The following PRPF18 variants were observed in gnomAD, a reference collection of about 807,000 sequenced individuals.
PRPF18 encodes the protein pre-mRNA processing factor 18, also known as pre-mRNA-splicing factor 18.
In PRPF18, 38 loss-of-function variants were observed where a neutral mutation model predicts 46.5. The observed-to-expected ratio is 0.82, with a 90% CI of 0.63 to 1.07. The LOEUF is 1.07. PRPF18 is among the 50% of genes least tolerant of loss of function. The pLI, the probability that PRPF18 is intolerant of heterozygous loss-of-function variation, is 0.00. For synonymous variants in PRPF18, 152 were observed against 146.7 expected, an observed-to-expected ratio of 1.04 and a Z score of -0.26; for missense variants, 263 against 410.0, an observed-to-expected ratio of 0.64 and a Z score of 3.10.
In PRPF18 at chr10:13,625,721, C is replaced by T. The variant is rs186383793; in HGVS notation, c.949-4539C>T. On this transcript the variant is annotated intron_variant, in intron 9 of 9. Coordinates refer to ENST00000378572, the MANE Select transcript of PRPF18 (RefSeq NM_003675.4). ...GCTAAAGAGAAGATTTCAAAGACTT[C>T]AGAGAAAAGGTCGCTTACAAAGGTG... 3.8e-3 allele frequency among the ~76,000 whole-genome samples: 575 copies of T among 152,296 alleles called. 2 individuals are homozygous for T. Among genetic ancestry groups the T allele is most frequent in the African/African-American group, 0.013 (558 of 41,548 alleles).
intron 9 of PRPF18, among the ~76,000 whole-genome samples, chr10:13,619,292 T>C (rs2080391083): frequency 6.6e-6 from 1 of 152,246 alleles, no homozygotes; most frequent in Non-Finnish European, 1.5e-5. Context: ...TTTTATACAA[T>C]TGGACAGATT....
At chr10:13,623,881 T>A (rs2080457508) in intron 9 of PRPF18, among the ~76,000 whole-genome samples, 1 of 152,244 alleles carries the variant, frequency 6.6e-6, no homozygotes, top group African/African-American at 2.4e-5. Context: ...GTATATCATA[T>A]CTGGAACATT....
intron 1 of PRPF18, chr10:13,591,719 C>A: frequency 1.1e-6 from 1 of 925,596 alleles, no homozygotes. Flanking sequence ...TCGCTGATAA[C>A]AATTTTGGTT....
At chr10:13,654,711 A>G in the PRPF18 span, 1 of 573,344 alleles carries the variant, frequency 1.7e-6, no homozygotes, top group Non-Finnish European at 3.1e-6. Flanking sequence ...TGCCCCCCCA[A>G]CCTCTGCATC....
chr10:13,618,580 T>G (rs2080377920), intron 9 of PRPF18, among the ~76,000 whole-genome samples: 1 of 136,196 alleles, frequency 7.3e-6, no homozygotes, highest in Non-Finnish European at 1.5e-5. Flanking sequence ...GATTTGTGAT[T>G]GCATCACTGC....
At chr10:13,630,893 A>G (rs1255190040), downstream of PRPF18, 1 of 152,206 alleles carries the variant, frequency 6.6e-6, no homozygotes, top group African/African-American at 2.4e-5. Context: ...TTTTTCTTGC[A>G]TTTCAAAGCT....
rs755279139 is a variant in PRPF18 at position 13,597,612 on chromosome 10, T to C, written c.144+77T>C. ...TACAGCTGTTGTTAAATGACAATCA[T>C]TGATCTCTGTTCAATTTATCAATAT... On this transcript the variant is annotated intron_variant, in intron 2 of 9. Transcript: ENST00000378572. The C allele has an allele frequency of 8.7e-6, 14 of 1,603,004 alleles. No individual in the cohort carries two copies. In the South Asian group the frequency reaches 1.2e-4, roughly 14 times the overall value.
At chr10:13,627,878 A>G (rs1230976594) in intron 9 of PRPF18, among the ~76,000 whole-genome samples, 2 of 152,102 alleles carry the variant, frequency 1.3e-5, no homozygotes. Flanking sequence ...GCGCATAACA[A>G]TTCTTGCCAT....
At chr10:13,601,001 A>G (rs1237397180) in intron 3 of PRPF18, among the ~76,000 whole-genome samples, 4 of 152,018 alleles carry the variant, frequency 2.6e-5, no homozygotes, top group Non-Finnish European at 5.9e-5. Flanking sequence ...GGCTGGTCTC[A>G]AACTCCTGAC....
At chr10:13,624,983 C>G (rs976619491) in intron 9 of PRPF18, among the ~76,000 whole-genome samples, 1 of 152,120 alleles carries the variant, frequency 6.6e-6, no homozygotes, top group Admixed American at 6.5e-5. Context: ...GAAAAAAAGA[C>G]CTTCATAGAA....
At chr10:13,648,981 T>C in the PRPF18 span, among the ~76,000 whole-genome samples, 2 of 151,248 alleles carry the variant, frequency 1.3e-5, no homozygotes, top group Non-Finnish European at 2.9e-5. Flanking sequence ...AGGCCTGAAA[T>C]GTAAATGTAT....
At chr10:13,650,918 G>A in the PRPF18 span, 1 of 151,082 alleles carries the variant, frequency 6.6e-6, no homozygotes, top group Non-Finnish European at 1.5e-5. Context: ...CCTCATTTCT[G>A]AATCCTCTCA....
At chr10:13,602,326 G>A (rs1435330775) in intron 3 of PRPF18, among the ~76,000 whole-genome samples, 1 of 152,056 alleles carries the variant, frequency 6.6e-6, no homozygotes, top group African/African-American at 2.4e-5. Flanking sequence ...TTTTTATATT[G>A]TGAAATTTGT....
chr10:13,652,785 C>CTTATCAGAAT, the PRPF18 span: 1 of 152,158 alleles, frequency 6.6e-6, no homozygotes, highest in East Asian at 1.9e-4. Flanking sequence ...ACCTGGAGGG[C>CTTATCAGAAT]TTATCAGAAT....
At chr10:13,639,216 G>A in the PRPF18 span, 16 of 152,294 alleles carry the variant, frequency 1.1e-4, 1 homozygote, top group Admixed American at 9.1e-4. Context: ...GGACAACCAG[G>A]TACTGGAGCA....
chr10:13,600,121 G>T, intron 2 of PRPF18, 123 bp from the exon 3 acceptor site: 1 of 737,498 alleles, frequency 1.4e-6, no homozygotes, highest in South Asian at 2.1e-5. Flanking sequence ...TCTTTGCTCA[G>T]AGGAATATTA....
intron 4 of PRPF18, 76 bp from the exon 5 acceptor site, chr10:13,609,963 A>C (rs1267701216): frequency 2.3e-5 from 32 of 1,416,988 alleles, no homozygotes; most frequent in Non-Finnish European, 2.8e-5. Flanking sequence ...TGCAGTTATT[A>C]ATGAAAAATC....
chr10:13,628,329 T>G (rs1200557841), intron 9 of PRPF18, among the ~76,000 whole-genome samples: 1 of 152,210 alleles, frequency 6.6e-6, no homozygotes, highest in Non-Finnish European at 1.5e-5. Context: ...TTCATAGAAG[T>G]ATGTCATTTG....
chr10:13,604,591 T>C (rs541130539), intron 3 of PRPF18, among the ~76,000 whole-genome samples: 62 of 152,302 alleles, frequency 4.1e-4, no homozygotes, highest in African/African-American at 1.5e-3. Flanking sequence ...ATGGTAATTA[T>C]CAGCTGGCTT....
Sources: allele counts gnomAD v4.1 joint callset (sites outside exome capture counted in the v4.1 genomes callset), GRCh38; gene constraint gnomAD v4.1.1; transcripts MANE v1.5; gene names NCBI Gene and HGNC (gene_info 2026-07-23, HGNC 2026-07-21).